The following MED13L variants were observed in gnomAD, a reference collection of about 807,000 sequenced individuals.
MED13L encodes the protein mediator complex subunit 13L.
In MED13L, 7 loss-of-function variants were observed where a neutral mutation model predicts 220.9. That is an observed-to-expected ratio of 0.03 (90% CI 0.02 to 0.06). The LOEUF (loss-of-function observed/expected upper bound fraction) is 0.06, where lower values mean the gene tolerates loss of function less well. Ranked by LOEUF, MED13L falls within the 10% of genes least tolerant of loss-of-function variation. The pLI is 1.00. For synonymous variants in MED13L, 1,011 were observed against 1,015.2 expected (o/e 1.00, Z 0.08); for missense variants, 1,965 against 2,760.5 (o/e 0.71, Z 6.46).
chr12:116,096,049 C>A (rs1301193401), intron 4 of MED13L, among the ~76,000 whole-genome samples: 1 of 152,024 alleles, frequency 6.6e-6, no homozygotes, highest in Non-Finnish European at 1.5e-5. Context: ...TTCCATACAA[C>A]ACTTTTAAAA....
intron 2 of MED13L, among the ~76,000 whole-genome samples, chr12:116,231,021 G>A (rs1869508311): frequency 6.6e-6 from 1 of 152,080 alleles, no homozygotes; most frequent in African/African-American, 2.4e-5. Context: ...TTTGCCTTTG[G>A]TAGATCTTCA....
intron 4 of MED13L, among the ~76,000 whole-genome samples, chr12:116,060,407 G>A (rs1386169188): frequency 6.6e-6 from 1 of 151,490 alleles, no homozygotes; most frequent in Non-Finnish European, 1.5e-5. Flanking sequence ...GTAAAACCCC[G>A]TCTCTATTAA....
At chr12:116,257,149 T>C (rs1041845587) in intron 1 of MED13L, among the ~76,000 whole-genome samples, 1 of 152,256 alleles carries the variant, frequency 6.6e-6, no homozygotes, top group Non-Finnish European at 1.5e-5. Context: ...AGAATTCTTG[T>C]GAAATTTCTG....
intron 4 of MED13L, among the ~76,000 whole-genome samples, chr12:116,065,196 A>G (rs943553539): frequency 6.6e-6 from 1 of 152,164 alleles, no homozygotes; most frequent in Non-Finnish European, 1.5e-5. Flanking sequence ...ATGCTCCACT[A>G]TAATCTTTTG....
chr12:116,075,639 C>G (rs898650895), intron 4 of MED13L, among the ~76,000 whole-genome samples: 2 of 152,218 alleles, frequency 1.3e-5, no homozygotes, highest in African/African-American at 4.8e-5. Flanking sequence ...TGAACATCTT[C>G]ATGTTGTAGC....
At chr12:116,044,273 T>C (rs1366829226) in intron 4 of MED13L, among the ~76,000 whole-genome samples, 1 of 152,176 alleles carries the variant, frequency 6.6e-6, no homozygotes, top group African/African-American at 2.4e-5. Context: ...TCAAAAAAAT[T>C]AACCAATTAA....
chr12:116,178,857 T>A (rs1880276084), intron 2 of MED13L, among the ~76,000 whole-genome samples: 1 of 152,350 alleles, frequency 6.6e-6, no homozygotes, highest in African/African-American at 2.4e-5. Context: ...CATGAGAAAT[T>A]AATCTAACAT....
chr12:115,969,911 G>A (rs1250068091), intron 27 of MED13L, among the ~76,000 whole-genome samples: 3 of 152,098 alleles, frequency 2.0e-5, no homozygotes, highest in Non-Finnish European at 2.9e-5. Context: ...TATAAAAAGT[G>A]AAAACCATCA....
chr12:116,056,923 A>G (rs1442242853), intron 4 of MED13L, among the ~76,000 whole-genome samples: 1 of 152,202 alleles, frequency 6.6e-6, no homozygotes, highest in African/African-American at 2.4e-5. Flanking sequence ...CTCTTTGTCT[A>G]CCTCAAAAGA....
rs1008495312 is a variant in MED13L at position 116,277,213 on chromosome 12, T to C, written c.-82A>G. The C allele has an allele frequency of 3.6e-6, 3 of 830,792 alleles. No individual in the cohort carries two copies. Among genetic ancestry groups the C allele is most frequent in the African/African-American group, 1.9e-5 (1 of 52,636 alleles). The allele number at this position is 830,792 out of a possible 1,614,324, so 51.5% of individuals were successfully genotyped here. A position where few individuals can be genotyped will look rare whatever the true frequency, so the allele number is the denominator to read the frequency against. The stretch of plus-strand genomic sequence containing the variant: ...CGAGGCCGGGCCGGGCGGCGGCGCC[T>C]CGCCGGGGAGCGCGGGGCGGCCGGG... On this transcript the variant is annotated 5_prime_UTR_variant, in exon 1 of 31. Transcript: ENST00000281928.
chr12:116,043,874 T>G (rs979071607), intron 4 of MED13L, among the ~76,000 whole-genome samples: 2 of 152,232 alleles, frequency 1.3e-5, no homozygotes, highest in Non-Finnish European at 2.9e-5. Context: ...TTTGGCACTT[T>G]GCCACAAAGC....
chr12:116,108,113 A>C (rs1417521217), intron 3 of MED13L, among the ~76,000 whole-genome samples: 2 of 151,626 alleles, frequency 1.3e-5, no homozygotes, highest in Non-Finnish European at 2.9e-5. Context: ...AAACAAACAA[A>C]AAAAAAAAAC....
intron 2 of MED13L, among the ~76,000 whole-genome samples, chr12:116,221,393 G>T (rs1321196717): frequency 6.7e-6 from 1 of 148,548 alleles, no homozygotes; most frequent in African/African-American, 2.5e-5. Flanking sequence ...AAAAAAAAAT[G>T]AGTAGTATCA....
At chr12:116,002,330 T>A (rs1381944102) in intron 14 of MED13L, among the ~76,000 whole-genome samples, 1 of 152,216 alleles carries the variant, frequency 6.6e-6, no homozygotes, top group Non-Finnish European at 1.5e-5. Context: ...ACATGGTGGT[T>A]TTTCCCCTCA....
rs115550578 is a variant in MED13L, at chr12:116,069,695, C to T, written c.479+26974G>A. Among the ~76,000 whole-genome samples, 1,121 of 152,256 alleles carry T rather than the reference C, an allele frequency of 7.4e-3. 19 individuals are homozygous for T. Among genetic ancestry groups the T allele is most frequent in the African/African-American group, 0.025 (1,053 of 41,536 alleles). ...CTCCAAATCCAAAACAGTCCAAAAT[C>T]CAAAACTTTTTGAGCACCAACATGA... On this transcript the variant is annotated intron_variant, in intron 4 of 30. Coordinates refer to ENST00000281928, the MANE Select transcript of MED13L (RefSeq NM_015335.5).
At chr12:116,270,813 C>T (rs971293959) in intron 1 of MED13L, among the ~76,000 whole-genome samples, 16 of 151,622 alleles carry the variant, frequency 1.1e-4, no homozygotes, top group African/African-American at 3.6e-4. Flanking sequence ...GAGGCCGAGG[C>T]GGGCGGATCA....
intron 9 of MED13L, among the ~76,000 whole-genome samples, chr12:116,009,998 T>C (rs1879296325): frequency 6.6e-6 from 1 of 152,166 alleles, no homozygotes; most frequent in Non-Finnish European, 1.5e-5. Flanking sequence ...GTAGTAACTC[T>C]CTGAGGCCAC....
chr12:116,133,968 G>A (rs1410044666), intron 2 of MED13L, among the ~76,000 whole-genome samples: 1 of 152,190 alleles, frequency 6.6e-6, no homozygotes, highest in Non-Finnish European at 1.5e-5. Context: ...TCAGCCCCCA[G>A]CCTGACAGAA....
intron 8 of MED13L, among the ~76,000 whole-genome samples, chr12:116,013,518 A>G (rs117072884): frequency 0.037 from 5,566 of 152,280 alleles, 156 homozygotes; most frequent in Non-Finnish European, 0.056. Flanking sequence ...AAGATATCTC[A>G]TTATGTATAT....
Sources: allele counts gnomAD v4.1 joint callset (sites outside exome capture counted in the v4.1 genomes callset), GRCh38; gene constraint gnomAD v4.1.1; transcripts MANE v1.5; gene names NCBI Gene and HGNC (gene_info 2026-07-23, HGNC 2026-07-21).